CARF: variants seen among roughly 807,000 people sequenced by gnomAD.
CARF encodes the protein calcium responsive transcription factor.
CARF carries 57 observed loss-of-function variants against 82.0 expected under a neutral mutation model. The ratio of observed to expected loss-of-function variants is 0.70; its 90% CI spans 0.56 to 0.87. CARF has a LOEUF of 0.87. Ranked by LOEUF, CARF falls within the 40% of genes least tolerant of loss-of-function variation. CARF has a pLI of 0.00. For missense variants in CARF, 771 were observed against 855.8 expected (o/e 0.90, Z 1.24); for synonymous variants, 268 against 290.1 (o/e 0.92, Z 0.77).
intron 9 of CARF, among the ~76,000 whole-genome samples, chr2:202,966,033 C>T (rs1411250082): frequency 1.3e-5 from 2 of 152,154 alleles, no homozygotes; most frequent in Non-Finnish European, 2.9e-5. Flanking sequence ...TATTCCTTGC[C>T]ACGTGGGCCT....
At chr2:202,983,417 G>A (rs1461692153) in intron 16 of CARF, 89 bp from the exon 17 acceptor site, 2 of 832,040 alleles carry the variant, frequency 2.4e-6, no homozygotes, top group Admixed American at 2.8e-5. Context: ...TTTCACAGAA[G>A]TTATTTTTAG....
chr2:202,973,259 C>T (rs2059880398), intron 12 of CARF, among the ~76,000 whole-genome samples: 2 of 152,120 alleles, frequency 1.3e-5, no homozygotes, highest in South Asian at 2.1e-4. Context: ...TCCACTGGGG[C>T]ATCATTAGCA....
intron 3 of CARF, among the ~76,000 whole-genome samples, chr2:202,934,127 C>T (rs1693483733): frequency 6.6e-6 from 1 of 152,072 alleles, no homozygotes; most frequent in African/African-American, 2.4e-5. Context: ...TTTAAGTCAT[C>T]CTGAGTCACA....
rs985946476 is a variant in CARF at position 202,961,306 on chromosome 2, A to G, written c.712A>G (p.Lys238Glu). The change falls in exon 9 of 17, where the codon AAG (lysine) becomes GAG (glutamate). Residue 238 changes from lysine to glutamate, a missense_variant. Coordinates refer to ENST00000438828, the MANE Select transcript of CARF (RefSeq NM_024744.17). ...TELESVLTFHKQQTQSVWGTR... is the reference protein window; with the variant it reads ...TELESVLTFHEQQTQSVWGTR... ...ATTAGAAAGTGTCCTAACATTTCACAAGCAGCAAACACAGAGTGTTTGGGG... is the reference window on the plus strand; with the variant it reads ...ATTAGAAAGTGTCCTAACATTTCACGAGCAGCAAACACAGAGTGTTTGGGG... 6.8e-6 allele frequency: 11 copies of G among 1,614,092 alleles called. No homozygotes were observed. The highest frequency in any genetic ancestry group is 9.3e-6 in the Non-Finnish European group (11 of 1,180,032).
At chr2:202,958,418 A>G (rs747303427) in intron 8 of CARF, among the ~76,000 whole-genome samples, 6 of 152,146 alleles carry the variant, frequency 3.9e-5, no homozygotes, top group Non-Finnish European at 7.3e-5. Context: ...ATATTAGAGC[A>G]TTTATTAAAA....
Position 202,984,684 on chromosome 2 carries a change from TTTG to T in CARF, c.*1063_*1065del, listed in dbSNP as rs1310835685. 2 of 152,206 alleles carry T rather than the reference TTTG, an allele frequency of 1.3e-5. No individual in the cohort carries two copies. The highest frequency in any genetic ancestry group is 4.8e-5 in the African/African-American group (2 of 41,458). 9.4% of individuals were successfully genotyped at this position (152,206 alleles called of 1,614,324 possible). A position where few individuals can be genotyped will look rare whatever the true frequency, so the allele number is the denominator to read the frequency against. On this transcript the variant is annotated 3_prime_UTR_variant, in exon 17 of 17. Coordinates refer to ENST00000438828, the MANE Select transcript of CARF (RefSeq NM_024744.17). ...TTTAAAACATCTGATCTGGGATTTT[TTTG>T]TTAAGTAAGTATATTAACTTCAAAT... is the stretch of plus-strand genomic sequence containing the variant.
chr2:202,938,638 T>A (rs1288334481), intron 3 of CARF, among the ~76,000 whole-genome samples: 4 of 118,520 alleles, frequency 3.4e-5, no homozygotes, highest in Non-Finnish European at 7.3e-5. Context: ...AAATGGGGGG[T>A]TTTGTGGGGG....
In CARF at chr2:202,954,001, T is replaced by TAA; in HGVS notation, c.428-3_428-2dup. 6.3e-7 allele frequency: 1 copy of TAA among 1,599,954 alleles called. No individual in the cohort carries two copies. The highest frequency in any genetic ancestry group is 1.1e-5 in the South Asian group (1 of 88,030). On this transcript the variant is annotated splice_region_variant and splice_polypyrimidine_tract_variant and intron_variant, in intron 6 of 16. Transcript: ENST00000438828. ...GTTACTTTGTTCTTGTTTTTGTTGT[T>TAA]AAGATGTCCCTGAAGAGAAACCCAG...
chr2:202,965,193 T>C (rs1574724469), intron 9 of CARF, among the ~76,000 whole-genome samples: 1 of 152,306 alleles, frequency 6.6e-6, no homozygotes, highest in East Asian at 1.9e-4. Context: ...ATCTGTGTGA[T>C]GTAGTTTTTG....
chr2:202,941,567 G>C (rs1258936201), intron 3 of CARF, among the ~76,000 whole-genome samples: 1 of 152,092 alleles, frequency 6.6e-6, no homozygotes, highest in East Asian at 1.9e-4. Context: ...GTATTTGAAA[G>C]GGTATACCAG....
intron 14 of CARF, among the ~76,000 whole-genome samples, chr2:202,981,083 G>A (rs1038405297): frequency 6.6e-6 from 1 of 152,120 alleles, no homozygotes; most frequent in Non-Finnish European, 1.5e-5. Flanking sequence ...GCCAGGTTCT[G>A]CAAATAGTGG....
intron 5 of CARF, among the ~76,000 whole-genome samples, chr2:202,950,455 C>G (rs1225471089): frequency 6.6e-6 from 1 of 152,094 alleles, no homozygotes; most frequent in Admixed American, 6.6e-5. Flanking sequence ...ATTTTTTTCA[C>G]AGATATTTAA....
intron 9 of CARF, among the ~76,000 whole-genome samples, chr2:202,966,527 C>G (rs1281264697): frequency 2.0e-5 from 3 of 152,092 alleles, no homozygotes; most frequent in Non-Finnish European, 2.9e-5. Context: ...GCCTGGACAA[C>G]AAGACAAAAC....
chr2:202,921,896 A>T (rs1690875256), intron 2 of CARF, among the ~76,000 whole-genome samples: 1 of 151,582 alleles, frequency 6.6e-6, no homozygotes, highest in Admixed American at 6.6e-5. Context: ...CATGATTATG[A>T]CTCACTGTAG....
At chr2:202,929,512 T>G (rs1692485466) in intron 3 of CARF, among the ~76,000 whole-genome samples, 1 of 152,174 alleles carries the variant, frequency 6.6e-6, no homozygotes. Flanking sequence ...AGATTTTGTT[T>G]GTTTGTTTGT....
In CARF at chr2:202,984,038, T is replaced by G. The variant is rs1379784066; in HGVS notation, c.*414T>G. The G allele has an allele frequency of 2.0e-5, 3 of 152,998 alleles. No homozygotes were observed. The highest frequency in any genetic ancestry group is 7.2e-5 in the African/African-American group (3 of 41,508). 9.5% of individuals were successfully genotyped at this position (152,998 alleles called of 1,614,324 possible). ...GTGTGTATGTATATCATGAATTTTT[T>G]TTTTAAGTTCTGAAAAAGAACTTGT... On this transcript the variant is annotated 3_prime_UTR_variant, in exon 17 of 17. Coordinates refer to ENST00000438828, the MANE Select transcript of CARF (RefSeq NM_024744.17).
At chr2:202,966,727 A>G (rs2059568714) in intron 9 of CARF, among the ~76,000 whole-genome samples, 1 of 152,148 alleles carries the variant, frequency 6.6e-6, no homozygotes, top group Non-Finnish European at 1.5e-5. Flanking sequence ...AAAAAATTAT[A>G]TGCCAGTAGA....
At chr2:202,953,597 T>C (rs775151693) in intron 6 of CARF, among the ~76,000 whole-genome samples, 2 of 146,766 alleles carry the variant, frequency 1.4e-5, no homozygotes, top group Non-Finnish European at 3.0e-5. Context: ...TCATAGCTAA[T>C]GGTTTAGGGC....
In CARF at chr2:202,983,530, T is replaced by C. The variant is rs1294808163; in HGVS notation, c.2084T>C (p.Ile695Thr). ...GTTGAAGAAAATCCAGAAAGTACCA[T>C]TTCTGTGAGCCAAGTTAAACAAGAA... ...ALIEENPEST[I>T]SVSQVKQEPK... Residue 695 changes from isoleucine (I) to threonine (T), a missense_variant, in exon 17 of 17, where the codon ATT (isoleucine) becomes ACT (threonine). Coordinates refer to ENST00000438828, the MANE Select transcript of CARF (RefSeq NM_024744.17). 1.9e-6 allele frequency: 3 copies of C among 1,609,262 alleles called. No homozygotes were observed. The highest frequency in any genetic ancestry group is 1.7e-6 in the Non-Finnish European group (2 of 1,178,222).
Sources: allele counts gnomAD v4.1 joint callset (sites outside exome capture counted in the v4.1 genomes callset), GRCh38; gene constraint gnomAD v4.1.1; transcripts MANE v1.5; gene names NCBI Gene and HGNC (gene_info 2026-07-23, HGNC 2026-07-21).